HDAC9: variants seen among roughly 807,000 people sequenced by gnomAD.
HDAC9 encodes the protein MEF-2 interacting transcription repressor (MITR) protein.
HDAC9 carries 41 observed loss-of-function variants against 139.4 expected under a neutral mutation model. The observed-to-expected ratio is 0.29, with a 90% CI of 0.23 to 0.38. The LOEUF (loss-of-function observed/expected upper bound fraction) is 0.38. Ranked by LOEUF, HDAC9 falls within the 10% of genes least tolerant of loss-of-function variation. The pLI is 1.00. For synonymous variants in HDAC9, 517 were observed against 476.2 expected (o/e 1.09, Z -1.12); for missense variants, 1,147 against 1,297.0 (o/e 0.88, Z 1.78).
chr7:18,429,527 GT>G (rs1444982973), intron 1 of HDAC9, among the ~76,000 whole-genome samples: 2 of 151,554 alleles, frequency 1.3e-5, no homozygotes, highest in Non-Finnish European at 2.9e-5. Flanking sequence ...CTATCCATAA[GT>G]TTGACTCTGT....
chr7:18,832,464 A>C (rs1003742590), intron 19 of HDAC9, among the ~76,000 whole-genome samples: 3 of 152,196 alleles, frequency 2.0e-5, no homozygotes, highest in Non-Finnish European at 4.4e-5. Flanking sequence ...GTACAGCATC[A>C]ATGTTTGCAG....
chr7:18,332,541 G>C (rs952312268), intron 1 of HDAC9, among the ~76,000 whole-genome samples: 7 of 151,508 alleles, frequency 4.6e-5, no homozygotes, highest in African/African-American at 1.7e-4. Flanking sequence ...CAATAAAAGA[G>C]GGGATGCATT....
intron 2 of HDAC9, among the ~76,000 whole-genome samples, chr7:18,236,414 T>C (rs746958854): frequency 1.8e-4 from 28 of 152,184 alleles, no homozygotes; most frequent in Non-Finnish European, 4.1e-4. Context: ...TTATTCCAAG[T>C]TGACAGAGTT....
At chr7:18,909,093 G>A (rs953860756) in intron 22 of HDAC9, among the ~76,000 whole-genome samples, 7 of 151,972 alleles carry the variant, frequency 4.6e-5, no homozygotes, top group Admixed American at 1.3e-4. Context: ...CATTCTAACC[G>A]GGGTGAAGCA....
chr7:18,340,785 T>G (rs926862751), intron 1 of HDAC9, among the ~76,000 whole-genome samples: 11 of 151,738 alleles, frequency 7.2e-5, no homozygotes, highest in South Asian at 2.1e-4. Flanking sequence ...AAAATGTTTA[T>G]TTTTTCATAT....
chr7:18,403,977 G>T (rs768151184), intron 1 of HDAC9, among the ~76,000 whole-genome samples: 1 of 152,158 alleles, frequency 6.6e-6, no homozygotes, highest in Non-Finnish European at 1.5e-5. Flanking sequence ...ATGAAGAGGG[G>T]CGAGACCTTG....
chr7:18,393,463 T>C (rs1228961351), intron 1 of HDAC9, among the ~76,000 whole-genome samples: 3 of 152,140 alleles, frequency 2.0e-5, no homozygotes, highest in Admixed American at 2.0e-4. Context: ...ATGCTTCTCC[T>C]ACTATTTTTG....
chr7:18,875,501 C>T (rs1463980999), intron 22 of HDAC9, among the ~76,000 whole-genome samples: 1 of 152,100 alleles, frequency 6.6e-6, no homozygotes, highest in South Asian at 2.1e-4. Context: ...TCATGCCAAC[C>T]TTTGTTTTTA....
chr7:18,812,067 G>A (rs1006843949), intron 17 of HDAC9, among the ~76,000 whole-genome samples: 4 of 151,736 alleles, frequency 2.6e-5, no homozygotes, highest in South Asian at 2.1e-4. Flanking sequence ...TAAATGTCAG[G>A]TAAATCGTTG....
intron 12 of HDAC9, among the ~76,000 whole-genome samples, chr7:18,712,354 G>C (rs7812153): frequency 4.6e-5 from 7 of 152,092 alleles, no homozygotes; most frequent in African/African-American, 1.5e-4. Flanking sequence ...ATGGGCTCTA[G>C]CATGTGGGAC....
intron 2 of HDAC9, among the ~76,000 whole-genome samples, chr7:18,582,004 T>C (rs2128785820): frequency 6.6e-6 from 1 of 152,292 alleles, no homozygotes; most frequent in South Asian, 2.1e-4. Context: ...AAATAACCAA[T>C]GTAAGCAACC....
At chr7:18,957,175 G>A (rs1189136945) in intron 24 of HDAC9, among the ~76,000 whole-genome samples, 1 of 152,180 alleles carries the variant, frequency 6.6e-6, no homozygotes, top group African/African-American at 2.4e-5. Context: ...CATTTGAGAA[G>A]TGGAGTGAAA....
In HDAC9 at chr7:18,997,313, AC is replaced by A. The variant is rs1215641333; in HGVS notation, c.*1252del. The A allele has an allele frequency of 1.4e-4, 21 of 148,184 alleles. No individual in the cohort carries two copies. Among genetic ancestry groups the A allele is most frequent in the African/African-American group, 4.5e-4 (18 of 40,170 alleles). The allele number at this position is 148,184 out of a possible 1,614,324, so 9.2% of individuals were successfully genotyped here. A position where few individuals can be genotyped will look rare whatever the true frequency, so the allele number is the denominator to read the frequency against. On this transcript the variant is annotated 3_prime_UTR_variant, in exon 26 of 26. Transcript: ENST00000686413. ...TGCCTTCTTGTGAAAAAAAAAAAAA[AC>A]AAAAACAAAAAACAGCCTTTAAACA...
intron 2 of HDAC9, among the ~76,000 whole-genome samples, chr7:18,512,546 C>T (rs1801853641): frequency 6.6e-6 from 1 of 152,030 alleles, no homozygotes; most frequent in African/African-American, 2.4e-5. Context: ...TTATTTATTC[C>T]CAAATTAATC....
Position 18,986,297 on chromosome 7 carries a change from A to G in HDAC9, c.3171-9726A>G, listed in dbSNP as rs780478825. Among the ~76,000 whole-genome samples the G allele has an allele frequency of 6.1e-3, 79 of 12,946 alleles. 1 individual carries two copies. The highest frequency in any genetic ancestry group is 0.013 in the Non-Finnish European group (71 of 5,388). The allele number at this position is 12,946 out of a possible 152,430, so 8.5% of individuals were successfully genotyped here. A position where few individuals can be genotyped will look rare whatever the true frequency, so the allele number is the denominator to read the frequency against. On this transcript the variant is annotated intron_variant, in intron 25 of 25. Transcript: ENST00000686413. ...TTCAGCTTTCTACATATGGCTAGCC[A>G]GTTTTCCCAGCACCATTTATTAAAT...
chr7:18,517,331 G>A (rs945754603), intron 2 of HDAC9, among the ~76,000 whole-genome samples: 1 of 152,124 alleles, frequency 6.6e-6, no homozygotes, highest in African/African-American at 2.4e-5. Context: ...TGCGTTCTGA[G>A]GATGTTTTAT....
chr7:18,090,219 C>T (rs1299807112), intron 1 of HDAC9, among the ~76,000 whole-genome samples: 1 of 152,154 alleles, frequency 6.6e-6, no homozygotes, highest in East Asian at 1.9e-4. Flanking sequence ...AGCTTAACAT[C>T]TATATTTCCT....
chr7:18,249,655 T>C (rs1794796135), intron 2 of HDAC9, among the ~76,000 whole-genome samples: 1 of 152,088 alleles, frequency 6.6e-6, no homozygotes, highest in African/African-American at 2.4e-5. Context: ...CCTACCATTC[T>C]ACCCCCAAAT....
chr7:18,224,456 G>A (rs1425123802), intron 2 of HDAC9, among the ~76,000 whole-genome samples: 1 of 152,128 alleles, frequency 6.6e-6, no homozygotes, highest in African/African-American at 2.4e-5. Flanking sequence ...AAGTCACATA[G>A]CAACATGGAA....
Sources: allele counts gnomAD v4.1 joint callset (sites outside exome capture counted in the v4.1 genomes callset), GRCh38; gene constraint gnomAD v4.1.1; transcripts MANE v1.5; gene names NCBI Gene and HGNC (gene_info 2026-07-23, HGNC 2026-07-21).